The following FEZ2 variants were observed in gnomAD, a reference collection of about 807,000 sequenced individuals.
FEZ2 encodes the protein fasciculation and elongation protein zeta 2.
FEZ2 carries 51 observed loss-of-function variants against 40.4 expected under a neutral mutation model. That is an observed-to-expected ratio of 1.26 (90% CI 1.01 to 1.59). The LOEUF is 1.59. FEZ2 is among the 40% of genes most tolerant of loss of function. The pLI is 0.00. For synonymous variants in FEZ2, 242 were observed against 172.0 expected (o/e 1.41, Z -3.18); for missense variants, 640 against 438.3 (o/e 1.46, Z -4.11).
At chr2:36,566,698 G>A (rs946698151) in intron 5 of FEZ2, among the ~76,000 whole-genome samples, 1 of 152,086 alleles carries the variant, frequency 6.6e-6, no homozygotes, top group East Asian at 1.9e-4. Context: ...ATTTTTAAAC[G>A]GTCAACTTGG....
intron 5 of FEZ2, among the ~76,000 whole-genome samples, chr2:36,571,163 C>A (rs1376513515): frequency 2.6e-5 from 4 of 152,194 alleles, no homozygotes; most frequent in Non-Finnish European, 5.9e-5. Context: ...ATTTGTTCCA[C>A]ATCTAAAGTA....
At chr2:36,574,779 T>C (rs3770793) in intron 5 of FEZ2, among the ~76,000 whole-genome samples, 15,655 of 152,212 alleles carry the variant, frequency 0.1, 981 homozygotes, top group South Asian at 0.23. Flanking sequence ...TAGGTCACCA[T>C]AGTGATAAAC....
intron 5 of FEZ2, among the ~76,000 whole-genome samples, chr2:36,568,470 A>C (rs1372143495): frequency 6.6e-6 from 1 of 152,204 alleles, no homozygotes; most frequent in Non-Finnish European, 1.5e-5. Context: ...ACCATTTCCA[A>C]GTTTGAAATA....
At chr2:36,576,265 T>C (rs1668564511) in intron 5 of FEZ2, among the ~76,000 whole-genome samples, 2 of 129,950 alleles carry the variant, frequency 1.5e-5, no homozygotes, top group Non-Finnish European at 3.1e-5. Flanking sequence ...CCTGGCATTT[T>C]AGGCTTTTTA....
At chr2:36,566,490 A>G (rs1403774974) in intron 5 of FEZ2, among the ~76,000 whole-genome samples, 1 of 151,272 alleles carries the variant, frequency 6.6e-6, no homozygotes, top group African/African-American at 2.4e-5. Flanking sequence ...TAAGGACAGA[A>G]AAAAAAAAAT....
At chr2:36,554,948 G>A (rs1667916545) in intron 7 of FEZ2, among the ~76,000 whole-genome samples, 1 of 152,178 alleles carries the variant, frequency 6.6e-6, no homozygotes, top group South Asian at 2.1e-4. Flanking sequence ...ATTTTGTGAT[G>A]CTTTCAAAAT....
At chr2:36,561,857 AGAAAG>A (rs1234333539) in intron 5 of FEZ2, among the ~76,000 whole-genome samples, 2 of 152,258 alleles carry the variant, frequency 1.3e-5, no homozygotes, top group East Asian at 3.8e-4. Context: ...AAGGGGCAGA[AGAAAG>A]GAAACCAAGG....
chr2:36,597,149 C>T (rs1669251023), intron 1 of FEZ2, among the ~76,000 whole-genome samples: 1 of 152,100 alleles, frequency 6.6e-6, no homozygotes, highest in Non-Finnish European at 1.5e-5. Flanking sequence ...TACCAGGGCT[C>T]CCGGGTGGGT....
chr2:36,571,123 C>A (rs1345326627), intron 5 of FEZ2, among the ~76,000 whole-genome samples: 1 of 152,102 alleles, frequency 6.6e-6, no homozygotes, highest in Non-Finnish European at 1.5e-5. Flanking sequence ...ACATATATTT[C>A]TCTAGGTAAT....
At chr2:36,585,338 G>A (rs983079100) in intron 2 of FEZ2, among the ~76,000 whole-genome samples, 2 of 152,084 alleles carry the variant, frequency 1.3e-5, no homozygotes, top group East Asian at 1.9e-4. Context: ...GCTACCAGGA[G>A]GAAAATGAAA....
Position 36,564,122 on chromosome 2 carries a change from G to A in FEZ2, c.904-5609C>T, listed in dbSNP as rs548989583. On this transcript the variant is annotated intron_variant, in intron 5 of 7. Coordinates refer to ENST00000405912, the MANE Select transcript of FEZ2 (RefSeq NM_005102.3). ...TAAGATCAGTAAAGTGCTAAGAACA[G>A]AGACTGGCACATGGCAAAGCTCAGT... Among the ~76,000 whole-genome samples the A allele has an allele frequency of 6.6e-5, 10 of 152,254 alleles. No homozygotes were observed. In the South Asian group the frequency reaches 2.1e-3, roughly 32 times the overall value.
chr2:36,582,184 A>AC (rs1046661463), intron 3 of FEZ2, among the ~76,000 whole-genome samples: 2 of 151,888 alleles, frequency 1.3e-5, no homozygotes, highest in African/African-American at 2.4e-5. Context: ...TGTAAAGGAA[A>AC]CCCAGGAAAA....
intron 5 of FEZ2, among the ~76,000 whole-genome samples, chr2:36,575,971 GA>G (rs1026590299): frequency 1.2e-4 from 18 of 146,098 alleles, no homozygotes; most frequent in East Asian, 9.9e-4. Context: ...TCAGGCAGGA[GA>G]AAAAAAAAAG....
At chr2:36,568,420 G>A (rs377557414) in intron 5 of FEZ2, among the ~76,000 whole-genome samples, 101 of 152,180 alleles carry the variant, frequency 6.6e-4, no homozygotes, top group African/African-American at 2.0e-3. Flanking sequence ...CTGCAATAAC[G>A]CAGTATATCA....
rs1669246678 is a variant in FEZ2, at chr2:36,597,082, A to G, written c.266+795T>C. Among the ~76,000 whole-genome samples, 6 of 151,818 alleles carry G rather than the reference A, an allele frequency of 4.0e-5. No individual in the cohort carries two copies. The South Asian group carries it at 1.2e-3, about 32-fold the overall frequency. ...CTTGGTCTCCCCACCAGACCATGCG[A>G]TCGTTACCATCAGTAAGCAGGGCCC... On this transcript the variant is annotated intron_variant, in intron 1 of 7. Transcript: ENST00000405912.
chr2:36,576,759 CCTAA>C (rs1363494617), intron 5 of FEZ2, among the ~76,000 whole-genome samples: 19 of 152,292 alleles, frequency 1.2e-4, no homozygotes, highest in African/African-American at 4.3e-4. Flanking sequence ...TGAAGTAAGA[CCTAA>C]CTGTTGCCTT....
chr2:36,558,282 C>A, intron 6 of FEZ2, 156 bp downstream of exon 6: 2 of 452,610 alleles, frequency 4.4e-6, no homozygotes, highest in Non-Finnish European at 8.0e-6. Context: ...ATGTCACAGC[C>A]ATTTTTGGCT....
chr2:36,554,834 C>A (rs1667913145), intron 7 of FEZ2, among the ~76,000 whole-genome samples: 1 of 152,146 alleles, frequency 6.6e-6, no homozygotes, highest in Admixed American at 6.5e-5. Context: ...CTTCATCTTC[C>A]TTGTGCTCAG....
intron 5 of FEZ2, among the ~76,000 whole-genome samples, chr2:36,566,281 A>C (rs948085399): frequency 6.6e-6 from 1 of 151,588 alleles, no homozygotes; most frequent in Non-Finnish European, 1.5e-5. Context: ...CGGAGCTTGC[A>C]GTGAGCCGAG....
Sources: allele counts gnomAD v4.1 joint callset (sites outside exome capture counted in the v4.1 genomes callset), GRCh38; gene constraint gnomAD v4.1.1; transcripts MANE v1.5; gene names NCBI Gene and HGNC (gene_info 2026-07-23, HGNC 2026-07-21).